Variants in SLC25A41 observed in about 807,000 individuals in gnomAD.
The protein encoded by SLC25A41 is mitochondrial carrier protein SCaMC-3L.
SLC25A41 carries 35 observed loss-of-function variants against 34.7 expected under a neutral mutation model. The observed-to-expected ratio is 1.01, with a 90% CI of 0.77 to 1.34. The LOEUF (loss-of-function observed/expected upper bound fraction) is 1.34, where lower values mean the gene tolerates loss of function less well. Among genes scored for constraint, SLC25A41 ranks in the 40% most tolerant of loss-of-function variants. The probability of loss-of-function intolerance (pLI) is 0.00; values close to 1 mark genes in which losing one functional copy is unlikely to be tolerated. For synonymous variants in SLC25A41, 190 were observed against 209.9 expected (o/e 0.91, Z 0.82); for missense variants, 492 against 489.8 (o/e 1.00, Z -0.04).
intron 4 of SLC25A41, among the ~76,000 whole-genome samples, chr19:6,429,039 A>ATC (rs1427334348): frequency 7.4e-5 from 2 of 26,998 alleles, no homozygotes; most frequent in Non-Finnish European, 1.1e-4. Flanking sequence ...ATATATATAT[A>ATC]ATATATATAT....
chr19:6,433,618 G>C lies in SLC25A41; in HGVS notation c.76C>G (p.Leu26Val), dbSNP rs117420388. Residue 26 changes from leucine to valine, a missense_variant, in exon 1 of 7, where the codon CTC (leucine) becomes GTC (valine). By Grantham distance (32) the Leu-to-Val change is conservative. Transcript: ENST00000321510. Reference protein sequence around the residue: ...QTLFRRVKTLLIKAPPPPQPP... With the variant: ...QTLFRRVKTLVIKAPPPPQPP... ...TGGGGGGGAGGCGGGGCTTTGATGA[G>C]TAAGGTCTTGACCCTCCTAAACAGT... The C allele has an allele frequency of 0.021, 34,043 of 1,611,954 alleles. 455 individuals are homozygous for C. Among genetic ancestry groups the C allele is most frequent in the Middle Eastern group, 0.046 (278 of 6,046 alleles).
At chr19:6,429,938 G>A in intron 3 of SLC25A41, 71 bp downstream of exon 3, 1 of 1,592,828 alleles carries the variant, frequency 6.3e-7, no homozygotes, top group Non-Finnish European at 8.6e-7. Flanking sequence ...GCTTGAACAA[G>A]GGCCTGGAGT....
chr19:6,432,465 A>C (rs561768337), intron 1 of SLC25A41, among the ~76,000 whole-genome samples: 1,528 of 141,736 alleles, frequency 0.011, 19 homozygotes, highest in South Asian at 0.03. Flanking sequence ...CATGCACCAC[A>C]ACACCTAATT....
intron 4 of SLC25A41, among the ~76,000 whole-genome samples, chr19:6,429,076 T>A (rs1222767586): frequency 8.3e-5 from 4 of 48,106 alleles, no homozygotes; most frequent in Admixed American, 4.0e-4. Context: ...ATATATATAA[T>A]ATATATATTA....
Position 6,427,508 on chromosome 19 carries a change from A to G in SLC25A41, c.625-7T>C. On this transcript the variant is annotated splice_polypyrimidine_tract_variant and splice_region_variant and intron_variant, in intron 4 of 6. Coordinates refer to ENST00000321510, the MANE Select transcript of SLC25A41 (RefSeq NM_173637.4). The surrounding 1 kb of genome is among the most constrained non-coding windows in gnomAD (Gnocchi z 4.9). ...TCAACCGCGTCTTCAGCACCTGAGG[A>G]TGGCGGGGAACAAGGCAGCTCATTT... 6.6e-7 allele frequency: 1 copy of G among 1,513,280 alleles called. No homozygotes were observed. Among genetic ancestry groups the G allele is most frequent in the South Asian group, 1.3e-5 (1 of 78,542 alleles). 93.7% of individuals were successfully genotyped at this position (1,513,280 alleles called of 1,614,324 possible). A position where few individuals can be genotyped will look rare whatever the true frequency, so the allele number is the denominator to read the frequency against.
chr19:6,426,732 G>A (rs1391806029), intron 6 of SLC25A41, among the ~76,000 whole-genome samples, 171 bp from the exon 7 acceptor site: 3 of 152,142 alleles, frequency 2.0e-5, no homozygotes, highest in African/African-American at 7.2e-5. Flanking sequence ...GAGTGGGGGA[G>A]TTTCTGAGTA....
intron 2 of SLC25A41, 36 bp downstream of exon 2, chr19:6,432,013 G>C: frequency 6.3e-7 from 1 of 1,586,138 alleles, no homozygotes. Context: ...AGTGGCTCCA[G>C]CGCTGGGTCC....
Position 6,426,507 on chromosome 19 carries a change from G to A in SLC25A41, c.995C>T (p.Ala332Val). Residue 332 changes from alanine (A) to valine (V), a missense_variant, in exon 7 of 7, where the codon GCC becomes GTC. Transcript: ENST00000321510. ...TMRGVLQRIL[A>V]QQGWLGLYRG... ...GTACAGCCCTAGCCAGCCCTGCTGG[G>A]CCAGGATCCGCTGGAGGACTCCGCG... 1 of 1,613,492 alleles carries A rather than the reference G, an allele frequency of 6.2e-7. No individual in the cohort carries two copies. The highest frequency in any genetic ancestry group is 1.1e-5 in the South Asian group (1 of 91,092).
chr19:6,433,861 TC>T, upstream of SLC25A41: 1 of 496,334 alleles, frequency 2.0e-6, no homozygotes, highest in Non-Finnish European at 3.5e-6. Context: ...ATGGCCCCCT[TC>T]CCCCAAGTAT....
rs772607029 is a variant in SLC25A41, at chr19:6,427,085, C to T, written c.940+18G>A. ...GCGGGGAAGGGGCATGCGTGGTGGC[C>T]GCTGGGGACAGGCTGACCTTGGGCC... On this transcript the variant is annotated intron_variant, in intron 6 of 6. Transcript: ENST00000321510. The surrounding 1 kb of genome is among the most constrained non-coding windows in gnomAD (Gnocchi z 4.9). 1.3e-6 allele frequency: 2 copies of T among 1,584,172 alleles called. No homozygotes were observed. The highest frequency in any genetic ancestry group is 1.3e-5 in the African/African-American group (1 of 74,376).
upstream of SLC25A41, among the ~76,000 whole-genome samples, chr19:6,435,033 G>A (rs2092302412): frequency 6.6e-6 from 1 of 151,714 alleles, no homozygotes; most frequent in Non-Finnish European, 1.5e-5. Context: ...GACCACCCTG[G>A]GCAACATGGC....
chr19:6,426,302 C>T lies in SLC25A41; in HGVS notation c.*87G>A. ...CCAAAAACTGCCCCAGGGCCTGAAC[C>T]TTGAGGCCTCGAGGGCTCTTTGGGG... On this transcript the variant is annotated 3_prime_UTR_variant, in exon 7 of 7. Transcript: ENST00000321510. The T allele has an allele frequency of 8.3e-7, 1 of 1,210,860 alleles. No homozygotes were observed. Among genetic ancestry groups the T allele is most frequent in the Non-Finnish European group, 1.1e-6 (1 of 907,366 alleles). The allele number at this position is 1,210,860 out of a possible 1,614,324, so 75.0% of individuals were successfully genotyped here.
intron 3 of SLC25A41, 42 bp downstream of exon 3, chr19:6,429,967 G>C: frequency 1.2e-6 from 2 of 1,603,580 alleles, no homozygotes; most frequent in Non-Finnish European, 1.7e-6. Flanking sequence ...CATGGGAGGG[G>C]TTTGGGCTTG....
intron 4 of SLC25A41, among the ~76,000 whole-genome samples, chr19:6,429,388 G>GA (rs2092271114): frequency 1.4e-5 from 1 of 71,556 alleles, no homozygotes. Flanking sequence ...AAAGGAAGAG[G>GA]GGAGGAGAAG....
chr19:6,428,857 G>A (rs1379403984), intron 4 of SLC25A41, among the ~76,000 whole-genome samples: 1 of 143,160 alleles, frequency 7.0e-6, no homozygotes, highest in Admixed American at 7.5e-5. Context: ...GGGACTACAG[G>A]CATGCGCCAC....
chr19:6,430,188 G>T, intron 2 of SLC25A41, 27 bp from the exon 3 acceptor site: 3 of 1,588,446 alleles, frequency 1.9e-6, no homozygotes. Flanking sequence ...CCCTGGAGGA[G>T]CCCCTGCTCG....
Position 6,430,146 on chromosome 19 carries a change from T to C in SLC25A41, c.379A>G (p.Thr127Ala). Reference protein sequence around the residue: ...KVYMQVYSSKTNFTNLLGGLQ... With the variant: ...KVYMQVYSSKANFTNLLGGLQ... ...CCCCCCAGCAGGTTGGTGAAGTTCGTCTTGGAGGAGTAGACCTGGGTGGAG... is the reference window on the plus strand; with the variant it reads ...CCCCCCAGCAGGTTGGTGAAGTTCGCCTTGGAGGAGTAGACCTGGGTGGAG... The change falls in exon 3 of 7, where the codon ACG becomes GCG. Residue 127 changes from threonine to alanine, a missense_variant. By Grantham distance (58) the Thr-to-Ala change is moderately conservative. Coordinates refer to ENST00000321510, the MANE Select transcript of SLC25A41 (RefSeq NM_173637.4). 1.9e-6 allele frequency: 3 copies of C among 1,612,554 alleles called. No individual in the cohort carries two copies. The highest frequency in any genetic ancestry group is 2.5e-6 in the Non-Finnish European group (3 of 1,179,252).
intron 6 of SLC25A41, 88 bp from the exon 7 acceptor site, chr19:6,426,649 A>T: frequency 6.7e-7 from 1 of 1,484,358 alleles, no homozygotes; most frequent in Non-Finnish European, 9.2e-7. Flanking sequence ...TGCTGAAGCC[A>T]CGGGTAGGGG....
In SLC25A41 at chr19:6,427,631, CG is replaced by C. The variant is rs2092250025; in HGVS notation, c.625-131del. The C allele has an allele frequency of 2.9e-6, 3 of 1,044,822 alleles. No homozygotes were observed. Among genetic ancestry groups the C allele is most frequent in the East Asian group, 2.9e-5 (1 of 34,234 alleles). The allele number at this position is 1,044,822 out of a possible 1,614,324, so 64.7% of individuals were successfully genotyped here. Reference sequence around the variant, plus strand: ...AAGGCAAAGAGCTGGGTTTCAGACCCGGATCTGTCAGATTCCATGGAATGCT... The same window carrying C: ...AAGGCAAAGAGCTGGGTTTCAGACCCGATCTGTCAGATTCCATGGAATGCT... On this transcript the variant is annotated intron_variant, in intron 4 of 6. Coordinates refer to ENST00000321510, the MANE Select transcript of SLC25A41 (RefSeq NM_173637.4). This position sits in a 1 kb window ranked among gnomAD's most constrained non-coding sequence, Gnocchi z 4.9.
Sources: allele counts gnomAD v4.1 joint callset (sites outside exome capture counted in the v4.1 genomes callset), GRCh38; gene constraint gnomAD v4.1.1; non-coding constraint Gnocchi (gnomAD v3.1); transcripts MANE v1.5; gene names NCBI Gene and HGNC (gene_info 2026-07-23, HGNC 2026-07-21).